The following RAB2A variants were observed in gnomAD, a reference collection of about 807,000 sequenced individuals.
RAB2A encodes the protein RAB2A, member RAS oncogene family.
RAB2A carries 7 observed loss-of-function variants against 32.5 expected under a neutral mutation model. The observed-to-expected ratio is 0.22, with a 90% CI of 0.12 to 0.40. RAB2A has a LOEUF of 0.40. Ranked by LOEUF, RAB2A falls within the 10% of genes least tolerant of loss-of-function variation. The pLI is 1.00. For missense variants in RAB2A, 108 were observed against 260.7 expected (o/e 0.41, Z 4.03); for synonymous variants, 79 against 85.2 (o/e 0.93, Z 0.40).
At chr8:60,599,621 G>A (rs535516746) in intron 6 of RAB2A, among the ~76,000 whole-genome samples, 13 of 152,198 alleles carry the variant, frequency 8.5e-5, no homozygotes, top group African/African-American at 1.7e-4. Context: ...CTGGAAACAC[G>A]CGTACAAATA....
chr8:60,570,661 A>G (rs1416049205), intron 2 of RAB2A, among the ~76,000 whole-genome samples: 1 of 152,190 alleles, frequency 6.6e-6, no homozygotes, highest in Admixed American at 6.5e-5. Flanking sequence ...CTGATACATC[A>G]TGACTCCTGG....
intron 1 of RAB2A, among the ~76,000 whole-genome samples, chr8:60,522,739 G>A (rs752870238): frequency 6.6e-6 from 1 of 152,036 alleles, no homozygotes; most frequent in Non-Finnish European, 1.5e-5. Flanking sequence ...GGGAAGGATT[G>A]GGGAAGGAAG....
rs533422484 is a variant in RAB2A, at chr8:60,555,743, T to C, written c.47-3109T>C. On this transcript the variant is annotated intron_variant, in intron 1 of 7. Transcript: ENST00000262646. ...GGATTCAGAGAAAAGAGAATTCTTA[T>C]ACACTGTTGATGGGAATTTAAATTA... Among the ~76,000 whole-genome samples the C allele has an allele frequency of 3.3e-5, 5 of 152,340 alleles. No individual in the cohort carries two copies. The East Asian group carries it at 9.6e-4, about 29-fold the overall frequency.
chr8:60,572,863 C>A (rs1470382085), intron 3 of RAB2A, among the ~76,000 whole-genome samples: 2 of 152,140 alleles, frequency 1.3e-5, no homozygotes, highest in African/African-American at 4.8e-5. Flanking sequence ...AATATTCAAT[C>A]ATTAATTCAT....
At chr8:60,573,226 T>C (rs769462609) in intron 3 of RAB2A, among the ~76,000 whole-genome samples, 5 of 152,300 alleles carry the variant, frequency 3.3e-5, no homozygotes, top group Admixed American at 2.6e-4. Flanking sequence ...AAAGGTCTCC[T>C]GTTGTGTCAA....
intron 6 of RAB2A, among the ~76,000 whole-genome samples, chr8:60,607,925 A>G (rs1460834801): frequency 6.6e-6 from 1 of 152,178 alleles, no homozygotes; most frequent in African/African-American, 2.4e-5. Flanking sequence ...CAACCATCTT[A>G]TAAAATCCTT....
intron 7 of RAB2A, among the ~76,000 whole-genome samples, chr8:60,619,304 CTGT>C (rs149803623): frequency 0.012 from 1,769 of 152,246 alleles, 35 homozygotes; most frequent in African/African-American, 0.041. Flanking sequence ...CTGCATTTAT[CTGT>C]ATTTATTTCA....
Position 60,517,213 on chromosome 8 carries a change from G to T in RAB2A, c.6G>T (p.Ala2=). Residue 2 remains alanine, a synonymous_variant, in exon 1 of 8, where the codon GCG becomes GCT. Transcript: ENST00000262646. M[A]YAYLFKYIII... is the part of the protein sequence containing the mutation. Reference sequence around the variant, plus strand: ...GGCACTGAGCGGCCGCGGCCATGGCGTACGCCTATCTCTTCAAGTACATCA... The same window carrying T: ...GGCACTGAGCGGCCGCGGCCATGGCTTACGCCTATCTCTTCAAGTACATCA... The T allele has an allele frequency of 6.7e-7, 1 of 1,488,510 alleles. No individual in the cohort carries two copies. The highest frequency in any genetic ancestry group is 1.3e-5 in the South Asian group (1 of 78,040). 92.2% of individuals were successfully genotyped at this position (1,488,510 alleles called of 1,614,324 possible).
At chr8:60,580,332 T>C (rs1224896502) in intron 3 of RAB2A, among the ~76,000 whole-genome samples, 1 of 152,148 alleles carries the variant, frequency 6.6e-6, no homozygotes, top group Non-Finnish European at 1.5e-5. Flanking sequence ...TTTGCTTTAA[T>C]ATGTCAAGGT....
chr8:60,611,849 A>G (rs1804353781), intron 6 of RAB2A, among the ~76,000 whole-genome samples: 1 of 152,258 alleles, frequency 6.6e-6, no homozygotes, highest in Non-Finnish European at 1.5e-5. Context: ...AGTACTGAAG[A>G]GTAAAATGCT....
intron 1 of RAB2A, among the ~76,000 whole-genome samples, chr8:60,528,765 G>C (rs1457864095): frequency 6.6e-6 from 1 of 152,082 alleles, no homozygotes; most frequent in Non-Finnish European, 1.5e-5. Context: ...AAGAGATGAG[G>C]TCTCACTATG....
chr8:60,579,770 G>A (rs1377467424), intron 3 of RAB2A, among the ~76,000 whole-genome samples: 1 of 151,950 alleles, frequency 6.6e-6, no homozygotes. Context: ...TGGGACTACA[G>A]GTGCCCGCCA....
At chr8:60,547,620 A>T (rs1807757341) in intron 1 of RAB2A, among the ~76,000 whole-genome samples, 1 of 113,086 alleles carries the variant, frequency 8.8e-6, no homozygotes, top group African/African-American at 3.3e-5. Flanking sequence ...GGCGCCCCTC[A>T]CCTCCCGGAC....
At chr8:60,558,373 T>C (rs1477989041) in intron 1 of RAB2A, 9 of 477,768 alleles carry the variant, frequency 1.9e-5, no homozygotes, top group Non-Finnish European at 3.4e-5. Flanking sequence ...TTCCATTTGC[T>C]TGTGAAATGA....
chr8:60,564,532 A>T (rs185062521), intron 2 of RAB2A, among the ~76,000 whole-genome samples: 1 of 151,964 alleles, frequency 6.6e-6, no homozygotes, highest in African/African-American at 2.4e-5. Flanking sequence ...CATTCCACTT[A>T]TCCCTCCTCC....
At chr8:60,546,887 G>C (rs1807735377) in intron 1 of RAB2A, among the ~76,000 whole-genome samples, 1 of 136,408 alleles carries the variant, frequency 7.3e-6, no homozygotes, top group South Asian at 2.4e-4. Flanking sequence ...TTTGTTTTTT[G>C]GGTCTTTTTT....
intron 1 of RAB2A, among the ~76,000 whole-genome samples, chr8:60,538,937 C>A (rs1406164385): frequency 1.3e-5 from 2 of 152,216 alleles, no homozygotes; most frequent in Non-Finnish European, 2.9e-5. Context: ...GATACAGATA[C>A]AATTCTAATT....
chr8:60,574,064 C>T (rs988409385), intron 3 of RAB2A, among the ~76,000 whole-genome samples: 8 of 152,212 alleles, frequency 5.3e-5, no homozygotes, highest in South Asian at 2.1e-4. Flanking sequence ...TACTGTTATT[C>T]TTCAATAAAC....
At chr8:60,537,597 C>T (rs1807577476) in intron 1 of RAB2A, among the ~76,000 whole-genome samples, 1 of 152,192 alleles carries the variant, frequency 6.6e-6, no homozygotes, top group Non-Finnish European at 1.5e-5. Context: ...GGCTTACTGT[C>T]TAAAAAACAT....
Sources: gnomAD v4.1 joint callset for allele counts (sites outside exome capture counted in the v4.1 genomes callset) on GRCh38, gnomAD v4.1.1 for gene constraint, MANE v1.5 for transcripts, NCBI Gene and HGNC (gene_info 2026-07-23, HGNC 2026-07-21) for gene names.